Variants in ALDH6A1 observed in about 807,000 individuals in gnomAD.
ALDH6A1 encodes methylmalonate-semialdehyde/malonate-semialdehyde dehydrogenase [acylating], mitochondrial.
A neutral mutation model predicts 62.6 loss-of-function variants in ALDH6A1; 43 were observed. That is an observed-to-expected ratio of 0.69 (90% CI 0.54 to 0.89). The LOEUF (loss-of-function observed/expected upper bound fraction) is 0.89, where lower values mean the gene tolerates loss of function less well. Among genes scored for constraint, ALDH6A1 ranks in the 40% least tolerant of loss-of-function variants. ALDH6A1 has a pLI of 0.00. For missense variants in ALDH6A1, 551 were observed against 661.3 expected (o/e 0.83, Z 1.83); for synonymous variants, 194 against 234.2 (o/e 0.83, Z 1.57).
At chr14:74,083,965 A>T (rs111562962) in intron 1 of ALDH6A1, among the ~76,000 whole-genome samples, 7 of 152,294 alleles carry the variant, frequency 4.6e-5, no homozygotes, top group African/African-American at 1.7e-4. Flanking sequence ...AGAGTAACCA[A>T]AAAGAGTAGT....
chr14:74,076,456 T>A (rs1478893862), intron 1 of ALDH6A1, among the ~76,000 whole-genome samples: 1 of 151,830 alleles, frequency 6.6e-6, no homozygotes, highest in Non-Finnish European at 1.5e-5. Flanking sequence ...CTGCCTCCCG[T>A]GTTCAAGCGA....
At position 74,057,040 on chromosome 14, in the gene ALDH6A1, T is replaced by A. The variant is rs530091592; in HGVS notation, c.*3602A>T. The A allele has an allele frequency of 6.9e-6, 11 of 1,588,314 alleles. No homozygotes were observed. In the South Asian group the frequency reaches 1.1e-4, roughly 16 times the overall value. On this transcript the variant is annotated 3_prime_UTR_variant, in exon 12 of 12. Coordinates refer to ENST00000553458, the MANE Select transcript of ALDH6A1 (RefSeq NM_005589.4). ...CCCAACACGATGGTTCTTGTGGGCA[T>A]CTTGAATGTGCTAATTGAAAGTAAT...
chr14:74,071,792 G>T, intron 5 of ALDH6A1, 104 bp downstream of exon 5: 1 of 1,489,472 alleles, frequency 6.7e-7, no homozygotes, highest in South Asian at 1.1e-5. Context: ...ATCATGGGAT[G>T]GCAAAATCTA....
At position 74,084,344 on chromosome 14, in the gene ALDH6A1, C is replaced by A; in HGVS notation, c.48+3G>T. On this transcript the variant is annotated splice_donor_region_variant and intron_variant, in intron 1 of 11. Coordinates refer to ENST00000553458, the MANE Select transcript of ALDH6A1 (RefSeq NM_005589.4). ...ATGGTGCCTTGGCACCACCCTCACT[C>A]GCCTGCAGGATCCGGGCTCGCACTG... is the stretch of plus-strand genomic sequence containing the variant. The A allele has an allele frequency of 6.2e-7, 1 of 1,613,750 alleles. No homozygotes were observed. The highest frequency in any genetic ancestry group is 8.5e-7 in the Non-Finnish European group (1 of 1,179,920).
At chr14:74,072,405 C>T (rs1254273339) in intron 3 of ALDH6A1, 41 bp from the exon 4 acceptor site, 1 of 1,614,022 alleles carries the variant, frequency 6.2e-7, no homozygotes, top group East Asian at 2.2e-5. Context: ...GCCTGACTCA[C>T]CTTCTCCACT....
chr14:74,070,737 AAAT>A (rs1245708259), intron 6 of ALDH6A1: 1 of 176,150 alleles, frequency 5.7e-6, no homozygotes, highest in Admixed American at 5.6e-5. Flanking sequence ...CAAAATGGAA[AAAT>A]AATACCTACC....
chr14:74,066,481 CT>C (rs2060467736), intron 9 of ALDH6A1, among the ~76,000 whole-genome samples: 3 of 152,140 alleles, frequency 2.0e-5, no homozygotes, highest in Non-Finnish European at 4.4e-5. Context: ...CTGGAAATAT[CT>C]ATCCCTTTAT....
intron 11 of ALDH6A1, among the ~76,000 whole-genome samples, chr14:74,062,928 T>C (rs748121891): frequency 1.7e-4 from 26 of 152,308 alleles, no homozygotes; most frequent in Non-Finnish European, 3.4e-4. Context: ...GCCTATTTGT[T>C]CAACAAATGT....
At chr14:74,082,493 G>A (rs1463330914) in intron 1 of ALDH6A1, among the ~76,000 whole-genome samples, 1 of 144,154 alleles carries the variant, frequency 6.9e-6, no homozygotes, top group Non-Finnish European at 1.5e-5. Flanking sequence ...TCCGTCTTCC[G>A]GGTTCAAGCG....
intron 1 of ALDH6A1, among the ~76,000 whole-genome samples, chr14:74,083,084 A>G (rs1435724387): frequency 2.6e-5 from 4 of 152,246 alleles, no homozygotes; most frequent in Admixed American, 2.0e-4. Context: ...GAGTGAGGCC[A>G]GACCATCTGC....
At position 74,060,604 on chromosome 14, in the gene ALDH6A1, A is replaced by AC; in HGVS notation, c.*37_*38insG. ...TGAAGCTGGTCAAAAATAAAGGGAG[A>AC]TTACTCAGGATGGAGTCAGTCTTAA... On this transcript the variant is annotated 3_prime_UTR_variant, in exon 12 of 12. Transcript: ENST00000553458. 7.3e-7 allele frequency: 1 copy of AC among 1,377,044 alleles called. No individual in the cohort carries two copies. Among genetic ancestry groups the AC allele is most frequent in the South Asian group, 1.2e-5 (1 of 86,456 alleles). The allele number at this position is 1,377,044 out of a possible 1,614,324, so 85.3% of individuals were successfully genotyped here.
intron 1 of ALDH6A1, among the ~76,000 whole-genome samples, chr14:74,077,148 T>C (rs1396001253): frequency 6.6e-6 from 1 of 152,194 alleles, no homozygotes; most frequent in African/African-American, 2.4e-5. Context: ...GAGCCCATCA[T>C]GTCTTATTTA....
rs1264496332 is a variant in ALDH6A1 at position 74,068,982 on chromosome 14, C to T, written c.731-1G>A. The T allele has an allele frequency of 6.2e-7, 1 of 1,613,398 alleles. No individual in the cohort carries two copies. Among genetic ancestry groups the T allele is most frequent in the Non-Finnish European group, 8.5e-7 (1 of 1,179,844 alleles). Reference sequence around the variant, plus strand: ...GGATGATCGCAAATAAAATTTACAGCTTTAAGAAGAAAATAAATGATCACT... The same window carrying T: ...GGATGATCGCAAATAAAATTTACAGTTTTAAGAAGAAAATAAATGATCACT... On this transcript the variant is annotated splice_acceptor_variant, in intron 6 of 11. Coordinates refer to ENST00000553458, the MANE Select transcript of ALDH6A1 (RefSeq NM_005589.4). LOFTEE classifies it high-confidence loss of function.
chr14:74,072,786 T>C (rs1327077293), intron 2 of ALDH6A1, among the ~76,000 whole-genome samples, 175 bp from the exon 3 acceptor site: 4 of 152,172 alleles, frequency 2.6e-5, no homozygotes, highest in Admixed American at 2.6e-4. Context: ...TCCCTATCTA[T>C]TCTGTGTGTG....
chr14:74,082,409 T>TG (rs1257686607), intron 1 of ALDH6A1, among the ~76,000 whole-genome samples: 1 of 142,382 alleles, frequency 7.0e-6, no homozygotes, highest in East Asian at 2.1e-4. Flanking sequence ...TTTTTTTTTT[T>TG]TTTTTTTTTT....
chr14:74,081,670 T>G (rs1439324242), intron 1 of ALDH6A1, among the ~76,000 whole-genome samples: 4 of 152,070 alleles, frequency 2.6e-5, no homozygotes, highest in African/African-American at 9.7e-5. Flanking sequence ...TCCTGGTTCA[T>G]GGCCTGCTAG....
At position 74,071,192 on chromosome 14, in the gene ALDH6A1, T is replaced by C; in HGVS notation, c.730+3A>G. ...AAGTAGCCATATGCATAAGGGCAGT[T>C]ACCTTCATGCTGTCCATGGATGATG... On this transcript the variant is annotated splice_donor_region_variant and intron_variant, in intron 6 of 11. Coordinates refer to ENST00000553458, the MANE Select transcript of ALDH6A1 (RefSeq NM_005589.4). 6.2e-7 allele frequency: 1 copy of C among 1,613,852 alleles called. No individual in the cohort carries two copies. The highest frequency in any genetic ancestry group is 1.3e-5 in the African/African-American group (1 of 75,046).
rs747959621 is a variant in ALDH6A1, at chr14:74,084,410, T to C, written c.-16A>G. On this transcript the variant is annotated 5_prime_UTR_variant, in exon 1 of 12. Transcript: ENST00000553458. ...GCGCCGCCATGGCTCTCGGCCGCCC[T>C]AGCTCCGCACCCCGCGCCTCTACTG... 1 of 1,612,606 alleles carries C rather than the reference T, an allele frequency of 6.2e-7. No homozygotes were observed.
rs888810473 is a variant in ALDH6A1 at position 74,059,792 on chromosome 14, C to T, written c.*850G>A. The stretch of plus-strand genomic sequence containing the variant: ...GAACCCTGAAACTTAGTACTTGGCA[C>T]ATATAACAAAAAGTTGATTTATCCA... On this transcript the variant is annotated 3_prime_UTR_variant, in exon 12 of 12. Coordinates refer to ENST00000553458, the MANE Select transcript of ALDH6A1 (RefSeq NM_005589.4). The T allele has an allele frequency of 1.3e-5, 2 of 155,712 alleles. No individual in the cohort carries two copies. Among genetic ancestry groups the T allele is most frequent in the African/African-American group, 4.8e-5 (2 of 41,464 alleles). The allele number at this position is 155,712 out of a possible 1,614,324, so 9.6% of individuals were successfully genotyped here. A position where few individuals can be genotyped will look rare whatever the true frequency, so the allele number is the denominator to read the frequency against.
Sources: allele counts gnomAD v4.1 joint callset (sites outside exome capture counted in the v4.1 genomes callset), GRCh38; gene constraint gnomAD v4.1.1; transcripts MANE v1.5; gene names NCBI Gene and HGNC (gene_info 2026-07-23, HGNC 2026-07-21).